The following HPSE2 variants were observed in gnomAD, a reference collection of about 807,000 sequenced individuals.
HPSE2 encodes inactive heparanase-2.
Under a neutral mutation model 60.5 loss-of-function variants are expected in HPSE2, and 38 were observed. The observed-to-expected ratio is 0.63, with a 90% CI of 0.48 to 0.82. The LOEUF is 0.82. Among genes scored for constraint, HPSE2 ranks in the 40% least tolerant of loss-of-function variants. The pLI is 0.00. For synonymous variants in HPSE2, 295 were observed against 293.2 expected (o/e 1.01, Z -0.06); for missense variants, 713 against 740.4 (o/e 0.96, Z 0.43).
intron 2 of HPSE2, among the ~76,000 whole-genome samples, chr10:99,220,084 T>G (rs1849258105): frequency 6.6e-6 from 1 of 152,220 alleles, no homozygotes. Context: ...CTTGTTTTAT[T>G]AAAGGATATC....
At chr10:99,083,282 C>T (rs1353078425) in intron 3 of HPSE2, among the ~76,000 whole-genome samples, 1 of 152,160 alleles carries the variant, frequency 6.6e-6, no homozygotes, top group Non-Finnish European at 1.5e-5. Context: ...CTGGCAAAGG[C>T]TGTCAAAAGA....
chr10:99,122,602 T>G (rs1845000602), intron 3 of HPSE2, among the ~76,000 whole-genome samples: 2 of 113,874 alleles, frequency 1.8e-5, no homozygotes, highest in African/African-American at 5.1e-5. Flanking sequence ...TTAAAATAAA[T>G]TTAATAAGAA....
intron 3 of HPSE2, among the ~76,000 whole-genome samples, chr10:98,914,595 G>A (rs1268931744): frequency 3.4e-5 from 5 of 147,432 alleles, no homozygotes; most frequent in Non-Finnish European, 5.9e-5. Context: ...TGTAACATCA[G>A]CTGCATGTCT....
At chr10:99,043,850 C>T (rs1357291678) in intron 3 of HPSE2, among the ~76,000 whole-genome samples, 1 of 151,922 alleles carries the variant, frequency 6.6e-6, no homozygotes, top group Admixed American at 6.6e-5. Context: ...AAAAAAACTC[C>T]AAGAAATATG....
chr10:99,203,496 C>CAGT (rs1848643199), intron 2 of HPSE2, among the ~76,000 whole-genome samples: 1 of 151,980 alleles, frequency 6.6e-6, no homozygotes, highest in Non-Finnish European at 1.5e-5. Context: ...GGCTCCAGGC[C>CAGT]CGCCCAGTGC....
At position 99,085,413 on chromosome 10, in the gene HPSE2, C is replaced by A. The variant is rs1564794507; in HGVS notation, c.610+58825G>T. Among the ~76,000 whole-genome samples, 3 of 152,222 alleles carry A rather than the reference C, an allele frequency of 2.0e-5. No homozygotes were observed. In the South Asian group the frequency reaches 6.2e-4, roughly 32 times the overall value. The stretch of plus-strand genomic sequence containing the variant: ...TGCCTGTGCTTTAAATCTACATCAT[C>A]TCTAAGCAAAAGAAGACTCCCCTAA... On this transcript the variant is annotated intron_variant, in intron 3 of 11. Coordinates refer to ENST00000370552, the MANE Select transcript of HPSE2 (RefSeq NM_021828.5).
At chr10:98,662,857 A>T (rs894679145) in intron 6 of HPSE2, among the ~76,000 whole-genome samples, 2 of 152,230 alleles carry the variant, frequency 1.3e-5, no homozygotes, top group African/African-American at 4.8e-5. Context: ...AGCTCAAAAA[A>T]TACTGTTTGA....
At chr10:99,309,204 G>T in the HPSE2 span, among the ~76,000 whole-genome samples, 4 of 152,002 alleles carry the variant, frequency 2.6e-5, no homozygotes, top group African/African-American at 9.7e-5. Context: ...ACTGTTAATG[G>T]GTATAAGTGG....
intron 3 of HPSE2, among the ~76,000 whole-genome samples, chr10:99,060,560 A>C (rs561354746): frequency 2.0e-5 from 3 of 147,200 alleles, no homozygotes; most frequent in African/African-American, 7.4e-5. Context: ...CAGGAGGCTG[A>C]GGCAGGAGAA....
intron 3 of HPSE2, among the ~76,000 whole-genome samples, chr10:98,814,933 T>C (rs1239575644): frequency 1.3e-5 from 2 of 152,204 alleles, no homozygotes; most frequent in Non-Finnish European, 2.9e-5. Context: ...AGTCAGGCTG[T>C]ATCAGACCAA....
chr10:99,091,828 T>C (rs1316214964), intron 3 of HPSE2, among the ~76,000 whole-genome samples: 1 of 152,204 alleles, frequency 6.6e-6, no homozygotes, highest in African/African-American at 2.4e-5. Context: ...TTCTCTCTCA[T>C]TAAAGGACAT....
At chr10:98,668,924 C>T (rs992854461) in intron 6 of HPSE2, among the ~76,000 whole-genome samples, 9 of 152,122 alleles carry the variant, frequency 5.9e-5, no homozygotes, top group Non-Finnish European at 1.3e-4. Flanking sequence ...AACGAAAGAG[C>T]TTCTGCACAG....
At chr10:99,221,313 T>C (rs1371339441) in intron 2 of HPSE2, among the ~76,000 whole-genome samples, 4 of 151,978 alleles carry the variant, frequency 2.6e-5, no homozygotes, top group Admixed American at 2.0e-4. Flanking sequence ...ACCAAATAAG[T>C]GGGAAATAAC....
intron 3 of HPSE2, among the ~76,000 whole-genome samples, chr10:98,898,309 C>T (rs1240171937): frequency 1.3e-5 from 2 of 151,880 alleles, no homozygotes; most frequent in East Asian, 1.9e-4. Flanking sequence ...TTATAATTGC[C>T]CCAAATTGGA....
intron 3 of HPSE2, among the ~76,000 whole-genome samples, chr10:99,102,253 A>C (rs1844031079): frequency 6.6e-6 from 1 of 152,156 alleles, no homozygotes; most frequent in South Asian, 2.1e-4. Flanking sequence ...ATAAAGAAGA[A>C]AAGAGAGAAG....
intron 9 of HPSE2, among the ~76,000 whole-genome samples, chr10:98,552,931 A>T (rs988804237): frequency 1.3e-5 from 2 of 152,192 alleles, no homozygotes; most frequent in Non-Finnish European, 2.9e-5. Context: ...GGGTCAAGAC[A>T]TCTCTGACTC....
rs1256665593 is a variant in HPSE2 at position 98,744,017 on chromosome 10, G to C, written c.650C>G (p.Ser217Cys). The C allele has an allele frequency of 9.3e-6, 15 of 1,614,004 alleles. No homozygotes were observed. The highest frequency in any genetic ancestry group is 3.3e-5 in the Admixed American group (2 of 59,988). The part of the protein sequence containing the change: ...LDKLYNFADC[S>C]GLHLIFALNA... ...TAGAGCAAATATCAGGTGGAGTCCAGAGCAATCAGCAAAGTTATAAAGTTT... is the reference window on the plus strand; with the variant it reads ...TAGAGCAAATATCAGGTGGAGTCCACAGCAATCAGCAAAGTTATAAAGTTT... Residue 217 changes from serine to cysteine, a missense_variant, in exon 4 of 12, where the codon TCT (serine) becomes TGT (cysteine). Transcript: ENST00000370552.
chr10:99,111,104 G>A lies in HPSE2; in HGVS notation c.610+33134C>T, dbSNP rs137899235. The stretch of plus-strand genomic sequence containing the variant: ...TCCATTGAATTACCCTTCCTCCTTT[G>A]TCAAAGATCAGTTTACTATATATAT... On this transcript the variant is annotated intron_variant, in intron 3 of 11. Coordinates refer to ENST00000370552, the MANE Select transcript of HPSE2 (RefSeq NM_021828.5). Among the ~76,000 whole-genome samples the A allele has an allele frequency of 1.5e-3, 230 of 152,106 alleles. 3 individuals carry two copies. In the Middle Eastern group the frequency reaches 0.024, roughly 16 times the overall value.
chr10:99,315,507 C>G, the HPSE2 span, among the ~76,000 whole-genome samples: 1 of 152,044 alleles, frequency 6.6e-6, no homozygotes, highest in Non-Finnish European at 1.5e-5. Flanking sequence ...GCGAAGCAGT[C>G]AGGGGAGAGG....
Sources: allele counts gnomAD v4.1 joint callset (sites outside exome capture counted in the v4.1 genomes callset), GRCh38; gene constraint gnomAD v4.1.1; transcripts MANE v1.5; gene names NCBI Gene and HGNC (gene_info 2026-07-23, HGNC 2026-07-21).